Variants in ZNF536 observed in about 807,000 individuals in gnomAD.
ZNF536 encodes zinc finger protein 536.
In ZNF536, 13 loss-of-function variants were observed where a neutral mutation model predicts 84.5. The ratio of observed to expected loss-of-function variants is 0.15; its 90% CI spans 0.10 to 0.24. ZNF536 has a LOEUF of 0.24. Ranked by LOEUF, ZNF536 falls within the 10% of genes least tolerant of loss-of-function variation. ZNF536 has a pLI of 1.00. For synonymous variants in ZNF536, 811 were observed against 742.5 expected (o/e 1.09, Z -1.50); for missense variants, 1,536 against 1,747.5 (o/e 0.88, Z 2.16).
At chr19:30,257,363 G>A (rs985426402) in intron 1 of ZNF536, among the ~76,000 whole-genome samples, 2 of 152,208 alleles carry the variant, frequency 1.3e-5, no homozygotes, top group African/African-American at 2.4e-5. Flanking sequence ...TTATCTTTTC[G>A]AAGGTGGGGC....
rs2046144367 is a variant in ZNF536, at chr19:30,300,502, A to T, written c.-120+16361A>T. 2.6e-5 allele frequency: 4 copies of T among 152,136 alleles called. No individual in the cohort carries two copies. In the South Asian group the frequency reaches 8.3e-4, roughly 31 times the overall value. 9.4% of individuals were successfully genotyped at this position (152,136 alleles called of 1,614,324 possible). Reference sequence around the variant, plus strand: ...GTGGCTGCAGCCAGCCTCGTTATGGAAAAGAATTGCCCAGTGGGTTGAGGG... The same window carrying T: ...GTGGCTGCAGCCAGCCTCGTTATGGTAAAGAATTGCCCAGTGGGTTGAGGG... On this transcript the variant is annotated intron_variant, in intron 2 of 5. Transcript: ENST00000585628.
At chr19:30,626,690 G>A (rs1372351595) in intron 1 of ZNF536, among the ~76,000 whole-genome samples, 1 of 152,184 alleles carries the variant, frequency 6.6e-6, no homozygotes, top group Non-Finnish European at 1.5e-5. Flanking sequence ...CACGACGCAA[G>A]GAAGCTCTCC....
chr19:30,234,777 G>GCGCA (rs1488574565), intron 1 of ZNF536, among the ~76,000 whole-genome samples: 2 of 147,900 alleles, frequency 1.4e-5, no homozygotes, highest in African/African-American at 5.2e-5. Flanking sequence ...ACACACACGC[G>GCGCA]CACACGCACC....
At chr19:30,333,173 G>GTAAA (rs71761418) in intron 2 of ZNF536, among the ~76,000 whole-genome samples, 9 of 152,124 alleles carry the variant, frequency 5.9e-5, no homozygotes, top group African/African-American at 2.2e-4. Flanking sequence ...TAATAAGTAA[G>GTAAA]TAAGTAAATA....
intron 1 of ZNF536, among the ~76,000 whole-genome samples, chr19:30,264,533 T>A (rs981416993): frequency 6.6e-6 from 1 of 152,216 alleles, no homozygotes; most frequent in Non-Finnish European, 1.5e-5. Flanking sequence ...ATTTTGTATA[T>A]GTTAAATGAA....
chr19:30,509,546 A>G (rs1307053763), intron 2 of ZNF536, among the ~76,000 whole-genome samples: 1 of 149,880 alleles, frequency 6.7e-6, no homozygotes, highest in East Asian at 1.9e-4. Flanking sequence ...ATATTTATAT[A>G]TAATTTTACT....
In ZNF536 at chr19:30,549,375, G is replaced by A. The variant is rs551297558; in HGVS notation, c.3756G>A (p.Glu1252=). 3 of 1,598,814 alleles carry A rather than the reference G, an allele frequency of 1.9e-6. No homozygotes were observed. The highest frequency in any genetic ancestry group is 2.6e-6 in the Non-Finnish European group (3 of 1,172,184). ...QDPLAGLPKP[E]RGPQSLDKPM... is the part of the protein sequence containing the mutation. ...CCTTGGCGGGCCTGCCAAAGCCGGA[G>A]CGGGGGCCCCAGAGCCTGGACAAGC... Residue 1252 remains glutamate (E), a synonymous_variant, in exon 4 of 5, where the codon GAG becomes GAA. Transcript: ENST00000355537.
At chr19:30,254,846 A>C (rs2024826544) in intron 1 of ZNF536, among the ~76,000 whole-genome samples, 1 of 152,236 alleles carries the variant, frequency 6.6e-6, no homozygotes, top group South Asian at 2.1e-4. Context: ...GAAAGCCTGA[A>C]CCTTAAATGT....
At chr19:30,329,610 T>C (rs2047144646) in intron 2 of ZNF536, among the ~76,000 whole-genome samples, 1 of 152,202 alleles carries the variant, frequency 6.6e-6, no homozygotes, top group African/African-American at 2.4e-5. Context: ...GTTGGAACTA[T>C]CTTTTGCAAA....
chr19:30,398,173 G>A (rs993545394), intron 1 of ZNF536, among the ~76,000 whole-genome samples: 2 of 152,098 alleles, frequency 1.3e-5, no homozygotes, highest in East Asian at 1.9e-4. Flanking sequence ...ATTTGATCAC[G>A]TCTGTAGATT....
At chr19:30,671,879 A>C (rs1171180014) in intron 1 of ZNF536, among the ~76,000 whole-genome samples, 1 of 152,208 alleles carries the variant, frequency 6.6e-6, no homozygotes, top group African/African-American at 2.4e-5. Context: ...GTCCTGGTAC[A>C]GCTGGAAGGA....
chr19:30,381,333 A>G (rs1288232233), intron 1 of ZNF536, among the ~76,000 whole-genome samples: 1 of 151,988 alleles, frequency 6.6e-6, no homozygotes, highest in Non-Finnish European at 1.5e-5. Context: ...GGGGAGGGAG[A>G]AGGCAGGGGT....
chr19:30,673,283 C>T (rs1421408979), intron 1 of ZNF536, among the ~76,000 whole-genome samples: 3 of 152,266 alleles, frequency 2.0e-5, no homozygotes, highest in South Asian at 2.1e-4. Context: ...CCTTCAGGGG[C>T]ACACATGACA....
At chr19:30,351,531 A>C (rs1029845989) in intron 2 of ZNF536, among the ~76,000 whole-genome samples, 2 of 152,246 alleles carry the variant, frequency 1.3e-5, no homozygotes, top group African/African-American at 4.8e-5. Flanking sequence ...CAAGATTTGC[A>C]TATCAGTTTG....
intron 1 of ZNF536, among the ~76,000 whole-genome samples, chr19:30,660,247 C>T (rs1024299587): frequency 1.3e-5 from 2 of 152,158 alleles, no homozygotes; most frequent in Admixed American, 6.5e-5. Flanking sequence ...TGGCAGTGTG[C>T]AGTTTCAGCA....
In ZNF536 at chr19:30,381,471, C is replaced by T. The variant is rs141722788; in HGVS notation, c.-3+8915C>T. 8.1e-3 allele frequency among the ~76,000 whole-genome samples: 1,234 copies of T among 152,204 alleles called. 12 individuals are homozygous for T. Among genetic ancestry groups the T allele is most frequent in the African/African-American group, 0.014 (601 of 41,526 alleles). On this transcript the variant is annotated intron_variant, in intron 1 of 4. Coordinates refer to ENST00000355537, the MANE Select transcript of ZNF536 (RefSeq NM_014717.3). ...TTGGGAGGCCTCTCTAAGGAAGTGA[C>T]GCTTGATCTGGGACTGGCATGGGAA...
intron 1 of ZNF536, among the ~76,000 whole-genome samples, chr19:30,592,274 T>C (rs533800414): frequency 6.6e-6 from 1 of 152,278 alleles, no homozygotes; most frequent in East Asian, 1.9e-4. Flanking sequence ...TTTCAAGTAG[T>C]AGGATATGGA....
chr19:30,638,748 G>C (rs553307498), intron 1 of ZNF536, among the ~76,000 whole-genome samples: 1 of 152,188 alleles, frequency 6.6e-6, no homozygotes, highest in Admixed American at 6.5e-5. Context: ...CTTCTGAGGG[G>C]ATTGTAAGGT....
intron 1 of ZNF536, among the ~76,000 whole-genome samples, chr19:30,629,604 T>A (rs527645449): frequency 1.3e-5 from 2 of 152,316 alleles, no homozygotes; most frequent in South Asian, 2.1e-4. Context: ...ATGCTCAAGG[T>A]TACAGAGCTG....
Sources: allele counts gnomAD v4.1 joint callset (sites outside exome capture counted in the v4.1 genomes callset), GRCh38; gene constraint gnomAD v4.1.1; transcripts MANE v1.5; gene names NCBI Gene and HGNC (gene_info 2026-07-23, HGNC 2026-07-21).